The following NOX4 variants were observed in gnomAD, a reference collection of about 807,000 sequenced individuals.
NOX4 encodes the protein kidney oxidase-1.
A neutral mutation model predicts 87.6 loss-of-function variants in NOX4; 69 were observed. The ratio of observed to expected loss-of-function variants is 0.79; its 90% CI spans 0.65 to 0.96. The LOEUF (loss-of-function observed/expected upper bound fraction) is 0.96. Among genes scored for constraint, NOX4 ranks in the 40% least tolerant of loss-of-function variants. NOX4 has a pLI of 0.00. For synonymous variants in NOX4, 275 were observed against 238.2 expected (o/e 1.15, Z -1.42); for missense variants, 680 against 681.5 (o/e 1.00, Z 0.02).
intron 12 of NOX4, among the ~76,000 whole-genome samples, chr11:89,355,532 A>T (rs1937977221): frequency 6.6e-6 from 1 of 151,932 alleles, no homozygotes; most frequent in Non-Finnish European, 1.5e-5. Flanking sequence ...ATACATGACC[A>T]ATAAACATAC....
Position 89,432,911 on chromosome 11 carries a change from CA to C in NOX4, c.476-56del, listed in dbSNP as rs1004770142. 8.4e-6 allele frequency: 10 copies of C among 1,191,118 alleles called. No individual in the cohort carries two copies. In the East Asian group the frequency reaches 2.5e-4, roughly 30 times the overall value. 73.8% of individuals were successfully genotyped at this position (1,191,118 alleles called of 1,614,324 possible). On this transcript the variant is annotated intron_variant, in intron 6 of 17. Coordinates refer to ENST00000263317, the MANE Select transcript of NOX4 (RefSeq NM_016931.5). ...CTTAAATCATAGTGAGAAAAAAATA[CA>C]AAAAATGATTATATTAGAATCCGAA...
In NOX4 at chr11:89,471,672, G is replaced by C. The variant is rs71469269; in HGVS notation, c.153+18786C>G. 8.3e-3 allele frequency among the ~76,000 whole-genome samples: 1,265 copies of C among 152,248 alleles called. 23 individuals are homozygous for C. Among genetic ancestry groups the C allele is most frequent in the Middle Eastern group, 0.051 (15 of 294 alleles). The stretch of plus-strand genomic sequence containing the variant: ...AAGACTGCACTTAAGAATAAAAAAT[G>C]ACATTTCAGTGAAGGACTGATTAAA... On this transcript the variant is annotated intron_variant, in intron 2 of 17. Coordinates refer to ENST00000263317, the MANE Select transcript of NOX4 (RefSeq NM_016931.5).
At chr11:89,387,066 T>A (rs1317707619) in intron 11 of NOX4, among the ~76,000 whole-genome samples, 1 of 152,054 alleles carries the variant, frequency 6.6e-6, no homozygotes, top group African/African-American at 2.4e-5. Context: ...CCACCCCTAA[T>A]CCTGCTTGAA....
the NOX4 span, among the ~76,000 whole-genome samples, chr11:89,560,961 C>CCTCTCTCT: frequency 5.7e-5 from 3 of 52,556 alleles, no homozygotes; most frequent in African/African-American, 9.4e-5. Context: ...CATCTCATCT[C>CCTCTCTCT]GTCTCTCTCT....
intron 13 of NOX4, among the ~76,000 whole-genome samples, chr11:89,342,630 A>C (rs1946055257): frequency 6.6e-6 from 1 of 152,160 alleles, no homozygotes; most frequent in African/African-American, 2.4e-5. Context: ...TTATTTAAAC[A>C]TTTACTATGT....
At chr11:89,509,063 A>G in the NOX4 span, among the ~76,000 whole-genome samples, 4 of 97,110 alleles carry the variant, frequency 4.1e-5, no homozygotes, top group Admixed American at 9.4e-5. Flanking sequence ...TTATTTTTTA[A>G]ATAATGAATA....
At chr11:89,452,786 C>T (rs564271668) in intron 2 of NOX4, among the ~76,000 whole-genome samples, 2 of 152,192 alleles carry the variant, frequency 1.3e-5, no homozygotes, top group East Asian at 3.9e-4. Flanking sequence ...ACCATCAGGG[C>T]TCACTGCAGC....
intron 2 of NOX4, among the ~76,000 whole-genome samples, chr11:89,479,343 T>C (rs1946297687): frequency 1.3e-5 from 2 of 152,204 alleles, no homozygotes; most frequent in South Asian, 2.1e-4. Flanking sequence ...GGACCTTAGC[T>C]TTCTATGATC....
At chr11:89,580,808 A>G in the NOX4 span, among the ~76,000 whole-genome samples, 6 of 152,156 alleles carry the variant, frequency 3.9e-5, no homozygotes, top group African/African-American at 1.4e-4. Flanking sequence ...ATAGGGTTTG[A>G]ATGGAAATAA....
At chr11:89,462,072 C>T (rs1185180069) in intron 2 of NOX4, among the ~76,000 whole-genome samples, 8 of 151,460 alleles carry the variant, frequency 5.3e-5, no homozygotes, top group Non-Finnish European at 7.4e-5. Context: ...AACTGCATTA[C>T]TATAAAATGG....
chr11:89,395,460 T>C (rs1478838187), intron 11 of NOX4, among the ~76,000 whole-genome samples: 1 of 152,226 alleles, frequency 6.6e-6, no homozygotes, highest in Non-Finnish European at 1.5e-5. Flanking sequence ...GGTTGCCTGT[T>C]CACTCTGATG....
chr11:89,561,450 A>G, the NOX4 span, among the ~76,000 whole-genome samples: 1 of 152,052 alleles, frequency 6.6e-6, no homozygotes. Context: ...TGCAACATCT[A>G]TCTTACAGCG....
At chr11:89,474,920 T>C (rs1301724203) in intron 2 of NOX4, among the ~76,000 whole-genome samples, 1 of 151,948 alleles carries the variant, frequency 6.6e-6, no homozygotes, top group Admixed American at 6.6e-5. Flanking sequence ...CCAAAGGACA[T>C]ATGAAAACAG....
At chr11:89,460,271 A>C (rs1342212338) in intron 2 of NOX4, among the ~76,000 whole-genome samples, 2 of 152,216 alleles carry the variant, frequency 1.3e-5, no homozygotes, top group African/African-American at 2.4e-5. Context: ...CATGTCTAAA[A>C]CACCAAAAGC....
chr11:89,571,140 G>A, the NOX4 span, among the ~76,000 whole-genome samples: 1 of 152,276 alleles, frequency 6.6e-6, no homozygotes, highest in African/African-American at 2.4e-5. Context: ...CATTTCCACA[G>A]TGACTAAGGA....
At chr11:89,437,779 C>T (rs1415263869) in intron 6 of NOX4, among the ~76,000 whole-genome samples, 1 of 152,076 alleles carries the variant, frequency 6.6e-6, no homozygotes, top group Non-Finnish European at 1.5e-5. Flanking sequence ...AGTATTTTTA[C>T]AGTCATCCTT....
At chr11:89,378,491 T>C (rs778829841) in intron 11 of NOX4, among the ~76,000 whole-genome samples, 3 of 152,170 alleles carry the variant, frequency 2.0e-5, no homozygotes, top group Non-Finnish European at 4.4e-5. Flanking sequence ...CCTTTATTTT[T>C]ACATGATTTT....
intron 2 of NOX4, among the ~76,000 whole-genome samples, chr11:89,452,184 A>G (rs552251317): frequency 6.1e-4 from 92 of 152,040 alleles, no homozygotes; most frequent in African/African-American, 2.1e-3. Context: ...TTCTGCCCCT[A>G]CCCCATTGTT....
intron 5 of NOX4, among the ~76,000 whole-genome samples, chr11:89,441,633 T>C (rs1476832586): frequency 1.3e-5 from 2 of 152,126 alleles, no homozygotes; most frequent in Non-Finnish European, 2.9e-5. Flanking sequence ...AAACTGAATA[T>C]ATAAACAACC....
Sources: gnomAD v4.1 joint callset for allele counts (sites outside exome capture counted in the v4.1 genomes callset) on GRCh38, gnomAD v4.1.1 for gene constraint, MANE v1.5 for transcripts, NCBI Gene and HGNC (gene_info 2026-07-23, HGNC 2026-07-21) for gene names.